PHACTR2: variants seen among roughly 807,000 people sequenced by gnomAD.
PHACTR2 encodes the protein chromosome 6 open reading frame 56.
A neutral mutation model predicts 76.0 loss-of-function variants in PHACTR2; 30 were observed. The observed-to-expected ratio is 0.39, with a 90% CI of 0.30 to 0.54. The LOEUF is 0.54. PHACTR2 is among the 20% of genes least tolerant of loss of function. The probability of loss-of-function intolerance (pLI) is 0.61; values close to 1 mark genes in which losing one functional copy is unlikely to be tolerated. For synonymous variants in PHACTR2, 292 were observed against 292.5 expected (o/e 1.00, Z 0.02); for missense variants, 696 against 781.1 (o/e 0.89, Z 1.30).
chr6:143,678,239 C>A lies in PHACTR2; in HGVS notation c.46+30C>A, dbSNP rs1380037559. ...GTCCGGGGCGCACGCGATGCGCTCCCGCCGCGCGGGCGCAGGGCTGGCGGC... is the reference window on the plus strand; with the variant it reads ...GTCCGGGGCGCACGCGATGCGCTCCAGCCGCGCGGGCGCAGGGCTGGCGGC... On this transcript the variant is annotated intron_variant, in intron 1 of 12. Coordinates refer to ENST00000440869, the MANE Select transcript of PHACTR2 (RefSeq NM_001100164.2). This position sits in a 1 kb window ranked among gnomAD's most constrained non-coding sequence, Gnocchi z 6.2. The A allele has an allele frequency of 1.4e-6, 2 of 1,465,258 alleles. No individual in the cohort carries two copies. The highest frequency in any genetic ancestry group is 1.8e-6 in the Non-Finnish European group (2 of 1,109,996). 90.8% of individuals were successfully genotyped at this position (1,465,258 alleles called of 1,614,324 possible).
chr6:143,646,979 A>G lies in PHACTR2; in HGVS notation c.13+38657A>G, dbSNP rs1024385924. Among the ~76,000 whole-genome samples the G allele has an allele frequency of 6.6e-6, 1 of 152,228 alleles. No homozygotes were observed. Among genetic ancestry groups the G allele is most frequent in the African/African-American group, 2.4e-5 (1 of 41,460 alleles). On this transcript the variant is annotated intron_variant, in intron 1 of 11. Transcript: ENST00000305766. The surrounding 1 kb of genome is among the most constrained non-coding windows in gnomAD (Gnocchi z 4.1). ...CCAGTGAGGTAAGCCTTGCTTCTAAAGAATTTTAAAATGTATTTTTAGCAA... is the reference window on the plus strand; with the variant it reads ...CCAGTGAGGTAAGCCTTGCTTCTAAGGAATTTTAAAATGTATTTTTAGCAA...
At chr6:143,737,102 A>G (rs1302079189) in intron 2 of PHACTR2, among the ~76,000 whole-genome samples, 1 of 151,654 alleles carries the variant, frequency 6.6e-6, no homozygotes, top group Admixed American at 6.6e-5. Flanking sequence ...ATGTAATATA[A>G]CATCGTGAAC....
chr6:143,812,170 C>T (rs958986528), intron 12 of PHACTR2, among the ~76,000 whole-genome samples: 34 of 152,158 alleles, frequency 2.2e-4, no homozygotes, highest in African/African-American at 7.5e-4. Context: ...ATGGAAGGAC[C>T]CACTTCTGTA....
rs1775049310 is a variant in PHACTR2 at position 143,549,117 on chromosome 6, G to A, written c.217+11910G>A. ...CAGCGAACATGCCAGTCTGTAGGGT[G>A]CACATTTCCACAGAGCTGTCTGGGC... On this transcript the variant is annotated intron_variant, in intron 1 of 11. Coordinates refer to the PHACTR2 transcript ENST00000367584. This position sits in a 1 kb window ranked among gnomAD's most constrained non-coding sequence, Gnocchi z 4.2. Among the ~76,000 whole-genome samples the A allele has an allele frequency of 6.6e-6, 1 of 151,960 alleles. No individual in the cohort carries two copies. The highest frequency in any genetic ancestry group is 2.1e-4 in the South Asian group (1 of 4,816).
chr6:143,582,258 T>C (rs546229622), intron 1 of PHACTR2, among the ~76,000 whole-genome samples: 3 of 152,266 alleles, frequency 2.0e-5, no homozygotes, highest in African/African-American at 7.2e-5. Context: ...TTCCCATACA[T>C]TGCTCAACTA....
At chr6:143,629,187 A>T (rs1455475590) in intron 1 of PHACTR2, among the ~76,000 whole-genome samples, 5 of 152,116 alleles carry the variant, frequency 3.3e-5, no homozygotes, top group African/African-American at 9.6e-5. Flanking sequence ...CAGATCTATT[A>T]TATGAAAATC....
intron 1 of PHACTR2, among the ~76,000 whole-genome samples, chr6:143,706,434 C>A (rs151220829): frequency 6.6e-6 from 1 of 152,270 alleles, no homozygotes; most frequent in African/African-American, 2.4e-5. Context: ...TATCTGTCTA[C>A]CTGGGCAAAC....
In PHACTR2 at chr6:143,760,463, A is replaced by G. The variant is rs1410550179; in HGVS notation, c.517A>G (p.Lys173Glu). Reference sequence around the variant, plus strand: ...TGCTCTACCTCCTTCTGCTCCTCCTAAGCCTAGACCCAAACCTAAACCCAA... The same window carrying G: ...TGCTCTACCTCCTTCTGCTCCTCCTGAGCCTAGACCCAAACCTAAACCCAA... ...APALPPSAPP[K>E]PRPKPKPKKS... Residue 173 changes from lysine to glutamate, a missense_variant, in exon 5 of 13, where the codon AAG (lysine) becomes GAG (glutamate). Coordinates refer to ENST00000440869, the MANE Select transcript of PHACTR2 (RefSeq NM_001100164.2). The surrounding 1 kb of genome is among the most constrained non-coding windows in gnomAD (Gnocchi z 6.4). The G allele has an allele frequency of 6.2e-7, 1 of 1,613,300 alleles. No individual in the cohort carries two copies. Among genetic ancestry groups the G allele is most frequent in the Non-Finnish European group, 8.5e-7 (1 of 1,179,546 alleles).
rs892623584 is a variant in PHACTR2 at position 143,809,972 on chromosome 6, G to A, written c.1922+2839G>A. On this transcript the variant is annotated intron_variant, in intron 12 of 12. Transcript: ENST00000440869. The surrounding 1 kb of genome is among the most constrained non-coding windows in gnomAD (Gnocchi z 4.2). ...CTAAAAATACAAAAATTAGCTGAGCGTAGTGGCTCACAGCTGTAGTCCCAG... is the reference window on the plus strand; with the variant it reads ...CTAAAAATACAAAAATTAGCTGAGCATAGTGGCTCACAGCTGTAGTCCCAG... Among the ~76,000 whole-genome samples, 2 of 151,978 alleles carry A rather than the reference G, an allele frequency of 1.3e-5. No homozygotes were observed. The highest frequency in any genetic ancestry group is 6.6e-5 in the Admixed American group (1 of 15,230).
rs1343638080 is a variant in PHACTR2, at chr6:143,755,739, A to G, written c.454+1827A>G. On this transcript the variant is annotated intron_variant, in intron 4 of 12. Transcript: ENST00000440869. This position sits in a 1 kb window ranked among gnomAD's most constrained non-coding sequence, Gnocchi z 5.2. Reference sequence around the variant, plus strand: ...CTCCTGTGTGGAAAGTGCACACACCAAAGCCACAAGGAGAAGCGCTAGGTA... The same window carrying G: ...CTCCTGTGTGGAAAGTGCACACACCGAAGCCACAAGGAGAAGCGCTAGGTA... 6.6e-6 allele frequency among the ~76,000 whole-genome samples: 1 copy of G among 152,212 alleles called. No individual in the cohort carries two copies. The highest frequency in any genetic ancestry group is 1.5e-5 in the Non-Finnish European group (1 of 68,040).
rs1375302959 is a variant in PHACTR2 at position 143,710,828 on chromosome 6, A to C, written c.47-1188A>C. On this transcript the variant is annotated intron_variant, in intron 1 of 12. Transcript: ENST00000440869. The surrounding 1 kb of genome is among the most constrained non-coding windows in gnomAD (Gnocchi z 4.9). ...GTTAAAAATACAGAGAAGATAAAAG[A>C]ATTGGTATCACGCCTCATATGCGTA... Among the ~76,000 whole-genome samples, 1 of 152,234 alleles carries C rather than the reference A, an allele frequency of 6.6e-6. No homozygotes were observed. The highest frequency in any genetic ancestry group is 2.4e-5 in the African/African-American group (1 of 41,462).
rs527690853 is a variant in PHACTR2 at position 143,818,144 on chromosome 6, A to G, written c.1923-5530A>G. 8.5e-5 allele frequency among the ~76,000 whole-genome samples: 13 copies of G among 152,308 alleles called. No homozygotes were observed. Among genetic ancestry groups the G allele is most frequent in the Admixed American group, 7.2e-4 (11 of 15,304 alleles). On this transcript the variant is annotated intron_variant, in intron 12 of 12. Coordinates refer to ENST00000440869, the MANE Select transcript of PHACTR2 (RefSeq NM_001100164.2). This position sits in a 1 kb window ranked among gnomAD's most constrained non-coding sequence, Gnocchi z 4.9. ...TTAAAAATATAATAAAATAATCAAT[A>G]AAAAATTTAAATAAAATTTGATTAA...
At chr6:143,634,980 C>T (rs1019600403) in intron 1 of PHACTR2, among the ~76,000 whole-genome samples, 5 of 152,042 alleles carry the variant, frequency 3.3e-5, no homozygotes, top group Non-Finnish European at 1.5e-5. Flanking sequence ...GTAATTTCTA[C>T]GCACAGAACA....
Position 143,616,682 on chromosome 6 carries a change from G to A in PHACTR2, c.13+8360G>A, listed in dbSNP as rs962103550. 2.0e-5 allele frequency among the ~76,000 whole-genome samples: 3 copies of A among 152,142 alleles called. No homozygotes were observed. The highest frequency in any genetic ancestry group is 1.3e-4 in the Admixed American group (2 of 15,282). ...TAGTAGAGAAAGCAAAATTAGTAAT[G>A]AATAGACAAAATGCTTGGGGTTGTG... On this transcript the variant is annotated intron_variant, in intron 1 of 11. Coordinates refer to the PHACTR2 transcript ENST00000305766. The surrounding 1 kb of genome is among the most constrained non-coding windows in gnomAD (Gnocchi z 4.9).
chr6:143,673,703 T>C (rs1442827920), upstream of PHACTR2, among the ~76,000 whole-genome samples: 1 of 151,770 alleles, frequency 6.6e-6, no homozygotes, highest in Non-Finnish European at 1.5e-5. Flanking sequence ...AGAATGTCTT[T>C]GGAAAAGGAA....
chr6:143,821,042 TG>T lies in PHACTR2; in HGVS notation c.1923-2630del, dbSNP rs534375869. Among the ~76,000 whole-genome samples, 3 of 152,350 alleles carry T rather than the reference TG, an allele frequency of 2.0e-5. No individual in the cohort carries two copies. The East Asian group carries it at 5.8e-4, about 29-fold the overall frequency. Reference sequence around the variant, plus strand: ...CTTTGCGCCAAGGCTGGAGCCAAAGTGGCTGGGATGCAGGGAACAATGTCCT... The same window carrying T: ...CTTTGCGCCAAGGCTGGAGCCAAAGTGCTGGGATGCAGGGAACAATGTCCT... On this transcript the variant is annotated intron_variant, in intron 12 of 12. Transcript: ENST00000440869. The surrounding 1 kb of genome is among the most constrained non-coding windows in gnomAD (Gnocchi z 5.2).
At chr6:143,804,064 G>GA (rs1199537260) in intron 11 of PHACTR2, among the ~76,000 whole-genome samples, 3 of 152,182 alleles carry the variant, frequency 2.0e-5, no homozygotes, top group African/African-American at 7.2e-5. Flanking sequence ...AACCACCCCA[G>GA]AATTTAGTGG....
At position 143,764,485 on chromosome 6, in the gene PHACTR2, C is replaced by T. The variant is rs1304077308; in HGVS notation, c.695-776C>T. ...ATAGTGAGCCGATATTGCACCACTG[C>T]ATTCCAGCCTGGGCGACAGAACAAG... On this transcript the variant is annotated intron_variant, in intron 5 of 12. Transcript: ENST00000440869. This position sits in a 1 kb window ranked among gnomAD's most constrained non-coding sequence, Gnocchi z 4.7. 2.0e-5 allele frequency among the ~76,000 whole-genome samples: 3 copies of T among 149,308 alleles called. No individual in the cohort carries two copies. The highest frequency in any genetic ancestry group is 2.0e-4 in the East Asian group (1 of 5,060).
chr6:143,540,096 C>G (rs1487505839), intron 1 of PHACTR2, among the ~76,000 whole-genome samples: 4 of 152,130 alleles, frequency 2.6e-5, no homozygotes, highest in Admixed American at 2.0e-4. Context: ...TTCTCACATC[C>G]CTATTGCTAC....
Sources: gnomAD v4.1 joint callset for allele counts (sites outside exome capture counted in the v4.1 genomes callset) on GRCh38, gnomAD v4.1.1 for gene constraint, Gnocchi (gnomAD v3.1) non-coding constraint, MANE v1.5 for transcripts, NCBI Gene and HGNC (gene_info 2026-07-23, HGNC 2026-07-21) for gene names.